The following LGSN variants were observed in gnomAD, a reference collection of about 807,000 sequenced individuals.
LGSN encodes the protein lengsin.
In LGSN, 21 loss-of-function variants were observed where a neutral mutation model predicts 19.5. The observed-to-expected ratio is 1.07, with a 90% CI of 0.76 to 1.55. The LOEUF is 1.55. Ranked by LOEUF, LGSN falls within the 40% of genes most tolerant of loss-of-function variation. LGSN has a pLI of 0.00. For missense variants in LGSN, 673 were observed against 608.5 expected, an observed-to-expected ratio of 1.11 and a Z score of -1.12; for synonymous variants, 257 against 215.6, an observed-to-expected ratio of 1.19 and a Z score of -1.68.
chr6:63,417,877 T>C, the LGSN span, among the ~76,000 whole-genome samples: 6 of 152,168 alleles, frequency 3.9e-5, no homozygotes, highest in Middle Eastern at 3.2e-3. Context: ...ATTAATGATA[T>C]ATGCCAATAA....
the LGSN span, among the ~76,000 whole-genome samples, chr6:63,478,652 CT>C: frequency 6.6e-6 from 1 of 152,182 alleles, no homozygotes; most frequent in Non-Finnish European, 1.5e-5. Flanking sequence ...ACGGCTCATT[CT>C]AATCATATAG....
the LGSN span, among the ~76,000 whole-genome samples, chr6:63,516,140 A>T: frequency 6.6e-5 from 10 of 152,242 alleles, no homozygotes; most frequent in Non-Finnish European, 1.2e-4. Context: ...ATTTTAATGA[A>T]GTTAAAACCT....
chr6:63,564,328 T>C, the LGSN span, among the ~76,000 whole-genome samples: 1 of 151,938 alleles, frequency 6.6e-6, no homozygotes, highest in African/African-American at 2.4e-5. Flanking sequence ...TCATTTTCTC[T>C]TATGTTCAGT....
intron 3 of LGSN, among the ~76,000 whole-genome samples, chr6:63,285,068 T>C (rs1050064653): frequency 6.6e-6 from 1 of 152,148 alleles, no homozygotes; most frequent in Non-Finnish European, 1.5e-5. Context: ...AAAAACACAA[T>C]ATTTCTTGAT....
At chr6:63,558,177 C>G in the LGSN span, among the ~76,000 whole-genome samples, 1 of 152,012 alleles carries the variant, frequency 6.6e-6, no homozygotes, top group African/African-American at 2.4e-5. Flanking sequence ...GCCACATATG[C>G]ATTTTTAAAA....
chr6:63,350,843 TAA>T, the LGSN span, among the ~76,000 whole-genome samples: 4 of 138,184 alleles, frequency 2.9e-5, no homozygotes, highest in Admixed American at 7.3e-5. Context: ...CAGAGCCATC[TAA>T]AAAAAAAAAA....
chr6:63,450,235 A>C, the LGSN span, among the ~76,000 whole-genome samples: 9 of 150,440 alleles, frequency 6.0e-5, no homozygotes, highest in Admixed American at 5.3e-4. Context: ...GGTGGTGAGC[A>C]CCTGTAATCC....
the LGSN span, among the ~76,000 whole-genome samples, chr6:63,380,090 G>C: frequency 1.4e-4 from 21 of 152,084 alleles, no homozygotes; most frequent in Admixed American, 2.0e-4. Context: ...CCACCGCCTT[G>C]GCCTCCCAAA....
the LGSN span, among the ~76,000 whole-genome samples, chr6:63,379,014 A>T: frequency 6.6e-6 from 1 of 152,242 alleles, no homozygotes; most frequent in South Asian, 2.1e-4. Context: ...CTCCCCTATT[A>T]CTTCTCCTCA....
At chr6:63,484,266 G>A in the LGSN span, among the ~76,000 whole-genome samples, 1 of 152,178 alleles carries the variant, frequency 6.6e-6, no homozygotes, top group South Asian at 2.1e-4. Flanking sequence ...ACTTTAGGAG[G>A]CCAAGAAGGG....
chr6:63,397,476 G>A, the LGSN span, among the ~76,000 whole-genome samples: 2 of 151,670 alleles, frequency 1.3e-5, no homozygotes, highest in South Asian at 4.1e-4. Flanking sequence ...ACACATAAGG[G>A]CAAAAGCTGG....
the LGSN span, among the ~76,000 whole-genome samples, chr6:63,411,000 C>G: frequency 1.3e-5 from 2 of 152,094 alleles, no homozygotes; most frequent in African/African-American, 2.4e-5. Context: ...TTAGAGACAC[C>G]TACTGAGTTA....
chr6:63,379,024 A>C, the LGSN span, among the ~76,000 whole-genome samples: 1 of 152,060 alleles, frequency 6.6e-6, no homozygotes, highest in Non-Finnish European at 1.5e-5. Context: ...ACTTCTCCTC[A>C]CCTCTAAGTG....
chr6:63,533,832 T>TTTAA, the LGSN span, among the ~76,000 whole-genome samples: 64,147 of 149,730 alleles, frequency 0.43, 14,247 homozygotes, highest in African/African-American at 0.53. Flanking sequence ...AACAAACTTT[T>TTTAA]TTAATTAATT....
chr6:63,424,913 T>TA, the LGSN span, among the ~76,000 whole-genome samples: 1 of 150,690 alleles, frequency 6.6e-6, no homozygotes, highest in South Asian at 2.1e-4. Context: ...CCTATCTCCA[T>TA]AAAAAAAGAA....
the LGSN span, among the ~76,000 whole-genome samples, chr6:63,353,509 C>T: frequency 6.8e-6 from 1 of 147,878 alleles, no homozygotes; most frequent in Admixed American, 6.8e-5. Flanking sequence ...TTCTACTATA[C>T]TCTTATAATT....
the LGSN span, among the ~76,000 whole-genome samples, chr6:63,431,501 A>C: frequency 6.6e-5 from 10 of 152,234 alleles, no homozygotes; most frequent in African/African-American, 2.4e-4. Context: ...ATGAGTTTTG[A>C]AGTCATATAA....
the LGSN span, among the ~76,000 whole-genome samples, chr6:63,453,636 G>A: frequency 6.7e-6 from 1 of 150,344 alleles, no homozygotes. Flanking sequence ...CTTTTACTTT[G>A]AACAAACATC....
chr6:63,463,502 AT>A, the LGSN span, among the ~76,000 whole-genome samples: 1 of 152,174 alleles, frequency 6.6e-6, no homozygotes, highest in African/African-American at 2.4e-5. Context: ...ATAAATACAT[AT>A]GATGTTCAAG....
Sources: allele counts gnomAD v4.1 joint callset (sites outside exome capture counted in the v4.1 genomes callset), GRCh38; gene constraint gnomAD v4.1.1; transcripts MANE v1.5; gene names NCBI Gene and HGNC (gene_info 2026-07-23, HGNC 2026-07-21).